Variants in CCN4 observed in about 807,000 individuals in gnomAD.
CCN4 encodes cellular communication network factor 4, also known as CCN family member 4.
Under a neutral mutation model 36.7 loss-of-function variants are expected in CCN4, and 30 were observed. That is an observed-to-expected ratio of 0.82 (90% confidence interval 0.61 to 1.11). The LOEUF is 1.11. Ranked by LOEUF, CCN4 falls within the 50% of genes least tolerant of loss-of-function variation. The pLI is 0.00. For synonymous variants in CCN4, 191 were observed against 195.4 expected (o/e 0.98, Z 0.19); for missense variants, 505 against 504.9 (o/e 1.00, Z 0.00).
chr8:133,200,784 A>G (rs1853561291), intron 1 of CCN4, among the ~76,000 whole-genome samples: 1 of 152,060 alleles, frequency 6.6e-6, no homozygotes, highest in Non-Finnish European at 1.5e-5. Context: ...CAGGGGAGGG[A>G]GCACGCATCC....
rs1355685303 is a variant in CCN4 at position 133,212,742 on chromosome 8, G to C, written c.70-122G>C. 4.2e-5 allele frequency: 34 copies of C among 800,472 alleles called. 1 individual carries two copies. In the South Asian group the frequency reaches 6.4e-4, roughly 15 times the overall value. The allele number at this position is 800,472 out of a possible 1,614,324, so 49.6% of individuals were successfully genotyped here. A position where few individuals can be genotyped will look rare whatever the true frequency, so the allele number is the denominator to read the frequency against. ...ATGTTTGGCTATCAAAAGCGTGATA[G>C]AAAAAATAATTTTATGAAAACCTTT... On this transcript the variant is annotated intron_variant, in intron 1 of 4. Coordinates refer to ENST00000250160, the MANE Select transcript of CCN4 (RefSeq NM_003882.4).
intron 1 of CCN4, among the ~76,000 whole-genome samples, chr8:133,208,634 G>A (rs767470191): frequency 3.9e-5 from 6 of 152,122 alleles, no homozygotes; most frequent in Non-Finnish European, 8.8e-5. Context: ...GGCACATGTT[G>A]CCAGCTCAGT....
chr8:133,199,725 T>C (rs1435438180), intron 1 of CCN4, among the ~76,000 whole-genome samples: 1 of 152,148 alleles, frequency 6.6e-6, no homozygotes, highest in Non-Finnish European at 1.5e-5. Context: ...CAGGCACGCA[T>C]GCCAGTTGAC....
chr8:133,215,984 T>TAC (rs35957025), intron 2 of CCN4, among the ~76,000 whole-genome samples: 9,868 of 149,396 alleles, frequency 0.066, 480 homozygotes, highest in African/African-American at 0.14. Flanking sequence ...CCCATTACAC[T>TAC]ACACACACAC....
chr8:133,227,746 A>G lies in CCN4; in HGVS notation c.*36A>G. 1 of 1,590,906 alleles carries G rather than the reference A, an allele frequency of 6.3e-7. No individual in the cohort carries two copies. Among genetic ancestry groups the G allele is most frequent in the Non-Finnish European group, 8.6e-7 (1 of 1,167,394 alleles). On this transcript the variant is annotated 3_prime_UTR_variant, in exon 5 of 5. Coordinates refer to ENST00000250160, the MANE Select transcript of CCN4 (RefSeq NM_003882.4). ...ATCTTGGGTCTTGGGGACTAACCCA[A>G]TGCCTGTGAAGCAGTCAGCCCTTAT...
chr8:133,191,411 C>T (rs900464033), intron 1 of CCN4, among the ~76,000 whole-genome samples, 198 bp downstream of exon 1: 14 of 152,128 alleles, frequency 9.2e-5, no homozygotes, highest in African/African-American at 3.4e-4. Context: ...GTGAGGAGGA[C>T]GGTGCGACAC....
At chr8:133,207,306 G>T (rs903004133) in intron 1 of CCN4, among the ~76,000 whole-genome samples, 4 of 152,228 alleles carry the variant, frequency 2.6e-5, no homozygotes. Flanking sequence ...CAGGGCAGTG[G>T]GCCGTTATCA....
intron 1 of CCN4, among the ~76,000 whole-genome samples, chr8:133,194,085 TTCAG>T (rs57455867): frequency 0.29 from 43,297 of 151,900 alleles, 7,005 homozygotes; most frequent in Middle Eastern, 0.36. Context: ...AAGTGTGTAA[TTCAG>T]CAAACGAAAG....
Position 133,227,630 on chromosome 8 carries a change from T to A in CCN4, c.1024T>A (p.Cys342Ser). 1.9e-6 allele frequency: 3 copies of A among 1,614,266 alleles called. No homozygotes were observed. The highest frequency in any genetic ancestry group is 2.5e-6 in the Non-Finnish European group (3 of 1,180,040). The change falls in exon 5 of 5, where the codon TGT becomes AGT. Residue 342 changes from cysteine to serine, a missense_variant. Transcript: ENST00000250160. Reference protein sequence around the residue: ...RQVLWINACFCNLSCRNPNDI... With the variant: ...RQVLWINACFSNLSCRNPNDI... ...GGTCCTATGGATTAATGCCTGCTTC[T>A]GTAACCTGAGCTGTAGGAATCCCAA...
chr8:133,210,682 C>A (rs1004264243), intron 1 of CCN4, among the ~76,000 whole-genome samples: 2 of 152,214 alleles, frequency 1.3e-5, no homozygotes, highest in Non-Finnish European at 2.9e-5. Context: ...CCATATGTCC[C>A]CAGTGAAGAC....
chr8:133,228,089 G>A lies in CCN4; in HGVS notation c.*379G>A, dbSNP rs1222870397. On this transcript the variant is annotated 3_prime_UTR_variant, in exon 5 of 5. Transcript: ENST00000250160. Reference sequence around the variant, plus strand: ...TAGATGCCAAACCACAAGACTCTTTGGGTCCATTCAGATGAATAGATGGAA... The same window carrying A: ...TAGATGCCAAACCACAAGACTCTTTAGGTCCATTCAGATGAATAGATGGAA... 5.4e-6 allele frequency: 1 copy of A among 186,070 alleles called. No homozygotes were observed. Among genetic ancestry groups the A allele is most frequent in the South Asian group, 1.4e-4 (1 of 6,904 alleles). The allele number at this position is 186,070 out of a possible 1,614,324, so 11.5% of individuals were successfully genotyped here.
chr8:133,217,936 C>CCACACACACACACACGCACACACA (rs1554743637), intron 2 of CCN4, among the ~76,000 whole-genome samples: 29 of 144,512 alleles, frequency 2.0e-4, no homozygotes, highest in Middle Eastern at 3.4e-3. Flanking sequence ...ACTCCCTTCT[C>CCACACACACACACACGCACACACA]CACACACACA....
intron 3 of CCN4, 84 bp from the exon 4 acceptor site, chr8:133,225,306 A>AC: frequency 1.4e-6 from 2 of 1,391,638 alleles, no homozygotes; most frequent in Non-Finnish European, 1.9e-6. Context: ...AGTTCTGGGG[A>AC]CCGCAGACCT....
intron 1 of CCN4, among the ~76,000 whole-genome samples, chr8:133,211,389 A>G (rs1228272314): frequency 6.6e-6 from 1 of 152,220 alleles, no homozygotes; most frequent in Admixed American, 6.5e-5. Flanking sequence ...TAACTCTGCA[A>G]ATGTCTGTTG....
rs1854701761 is a variant in CCN4, at chr8:133,225,570, A to G, written c.791A>G (p.His264Arg). The change falls in exon 4 of 5, where the codon CAT (histidine) becomes CGT (arginine). Residue 264 changes from histidine (H) to arginine (R), a missense_variant. Physicochemically the swap from His to Arg is conservative, Grantham distance 29. Transcript: ENST00000250160. ...TTGCGGCCATGCGATGTGGACATCC[A>G]TACACTCATTAAGGTGGGTCCAGAG... ...CNLRPCDVDI[H>R]TLIKAGKKCL... is the part of the protein sequence containing the mutation. The G allele has an allele frequency of 2.5e-6, 4 of 1,609,082 alleles. No individual in the cohort carries two copies. The highest frequency in any genetic ancestry group is 3.4e-6 in the Non-Finnish European group (4 of 1,176,520).
chr8:133,213,082 C>T lies in CCN4; in HGVS notation c.288C>T (p.His96=), dbSNP rs1235266231. 1 of 1,614,124 alleles carries T rather than the reference C, an allele frequency of 6.2e-7. No homozygotes were observed. Among genetic ancestry groups the T allele is most frequent in the Non-Finnish European group, 8.5e-7 (1 of 1,179,952 alleles). ...NCTEAAICDP[H]RGLYCDYSGD... is the part of the protein sequence containing the mutation. The stretch of plus-strand genomic sequence containing the variant: ...CGGAGGCTGCCATCTGTGACCCCCA[C>T]CGGGGCCTCTACTGTGACTACAGCG... The change falls in exon 2 of 5, where the codon CAC becomes CAT. Residue 96 remains histidine (H), a synonymous_variant. Transcript: ENST00000250160.
chr8:133,193,920 C>T (rs1379918324), intron 1 of CCN4, among the ~76,000 whole-genome samples: 1 of 152,154 alleles, frequency 6.6e-6, no homozygotes, highest in African/African-American at 2.4e-5. Context: ...AGTAGAGGGG[C>T]TGGAATCAGG....
intron 1 of CCN4, among the ~76,000 whole-genome samples, chr8:133,193,608 C>A (rs1853194375): frequency 6.6e-6 from 1 of 152,222 alleles, no homozygotes; most frequent in Non-Finnish European, 1.5e-5. Flanking sequence ...ATGTATAAGA[C>A]CAACCTCAGT....
At chr8:133,200,504 C>T (rs1486991494) in intron 1 of CCN4, among the ~76,000 whole-genome samples, 2 of 152,236 alleles carry the variant, frequency 1.3e-5, no homozygotes, top group Non-Finnish European at 2.9e-5. Context: ...CCCATAGCCA[C>T]CGCCAAGCCC....
Sources: gnomAD v4.1 joint callset for allele counts (sites outside exome capture counted in the v4.1 genomes callset) on GRCh38, gnomAD v4.1.1 for gene constraint, MANE v1.5 for transcripts, NCBI Gene and HGNC (gene_info 2026-07-23, HGNC 2026-07-21) for gene names.